DNAI7: variants seen among roughly 807,000 people sequenced by gnomAD.
DNAI7 encodes the protein dynein axonemal intermediate chain 7, also known as cancer susceptibility 1.
Under a neutral mutation model 86.6 loss-of-function variants are expected in DNAI7, and 78 were observed. That is an observed-to-expected ratio of 0.90 (90% CI 0.75 to 1.09). The LOEUF (loss-of-function observed/expected upper bound fraction) is 1.09. DNAI7 is among the 50% of genes least tolerant of loss of function. The probability of loss-of-function intolerance (pLI) is 0.00; values close to 1 mark genes in which losing one functional copy is unlikely to be tolerated. For synonymous variants in DNAI7, 274 were observed against 273.0 expected, an observed-to-expected ratio of 1.00 and a Z score of -0.04; for missense variants, 753 against 810.2, an observed-to-expected ratio of 0.93 and a Z score of 0.86.
At chr12:25,130,580 A>C (rs1291939841) in intron 9 of DNAI7, among the ~76,000 whole-genome samples, 3 of 138,984 alleles carry the variant, frequency 2.2e-5, no homozygotes, top group Non-Finnish European at 1.6e-5. Flanking sequence ...ATAAAATAAA[A>C]TAAAATAAAA....
intron 6 of DNAI7, among the ~76,000 whole-genome samples, chr12:25,153,681 A>C (rs1945826023): frequency 6.6e-6 from 1 of 152,208 alleles, no homozygotes; most frequent in Admixed American, 6.5e-5. Flanking sequence ...TAGCTAAGCC[A>C]CTAACTAGTT....
chr12:25,177,369 A>G (rs1949072837), intron 2 of DNAI7, among the ~76,000 whole-genome samples: 2 of 152,062 alleles, frequency 1.3e-5, no homozygotes, highest in Non-Finnish European at 2.9e-5. Context: ...TCACCATTCT[A>G]CTTTGTCTAT....
intron 4 of DNAI7, among the ~76,000 whole-genome samples, chr12:25,157,205 G>A (rs890224760): frequency 6.6e-6 from 1 of 151,466 alleles, no homozygotes; most frequent in African/African-American, 2.4e-5. Flanking sequence ...GTGAACCCGG[G>A]AGGCGGAGCT....
At chr12:25,108,179 T>A, downstream of DNAI7, 1 of 1,119,706 alleles carries the variant, frequency 8.9e-7, no homozygotes, top group Non-Finnish European at 1.3e-6. Context: ...AGAATGACTG[T>A]AAGATAGCTT....
At chr12:25,122,034 T>C (rs1941381719) in intron 10 of DNAI7, 121 bp from the exon 11 acceptor site, 1 of 665,750 alleles carries the variant, frequency 1.5e-6, no homozygotes, top group Admixed American at 3.4e-5. Flanking sequence ...ACTAAAACTT[T>C]TCAAAAAGCA....
downstream of DNAI7, chr12:25,107,721 A>G: frequency 8.2e-7 from 1 of 1,222,906 alleles, no homozygotes; most frequent in Non-Finnish European, 1.2e-6. Context: ...TTTTGGGGGT[A>G]TGAAGGGCAG....
At chr12:25,147,953 T>A (rs575198431) in intron 7 of DNAI7, among the ~76,000 whole-genome samples, 4 of 152,326 alleles carry the variant, frequency 2.6e-5, no homozygotes, top group Non-Finnish European at 5.9e-5. Context: ...TTAAGAATTT[T>A]AAAATAAAAA....
intron 2 of DNAI7, chr12:25,185,856 TC>T: frequency 2.3e-6 from 1 of 426,450 alleles, no homozygotes; most frequent in Non-Finnish European, 3.1e-6. Context: ...TTCATTACAG[TC>T]CCATTCCTGG....
At chr12:25,124,485 T>G (rs781105760) in intron 9 of DNAI7, among the ~76,000 whole-genome samples, 8 of 151,892 alleles carry the variant, frequency 5.3e-5, no homozygotes, top group Non-Finnish European at 7.4e-5. Flanking sequence ...GGGTATATTT[T>G]TGTAAGTGTT....
chr12:25,187,960 A>G (rs74073329), intron 2 of DNAI7, among the ~76,000 whole-genome samples: 6,157 of 152,260 alleles, frequency 0.04, 417 homozygotes, highest in African/African-American at 0.13. Context: ...GAAGAAAAAA[A>G]ATTCCTGAGA....
At chr12:25,125,734 A>G (rs2883030) in intron 9 of DNAI7, among the ~76,000 whole-genome samples, 25,997 of 152,006 alleles carry the variant, frequency 0.17, 2,336 homozygotes, top group Middle Eastern at 0.23. Flanking sequence ...GGGTTTTTAT[A>G]ATTTTGGGTT....
At chr12:25,159,407 G>A (rs1946584053) in intron 3 of DNAI7, among the ~76,000 whole-genome samples, 1 of 139,878 alleles carries the variant, frequency 7.1e-6, no homozygotes. Context: ...TAAAGGTTGA[G>A]ACAAATTCCC....
At chr12:25,121,605 A>C (rs1592237700) in intron 11 of DNAI7, 148 bp downstream of exon 11, 1 of 575,372 alleles carries the variant, frequency 1.7e-6, no homozygotes, top group Non-Finnish European at 2.9e-6. Flanking sequence ...CAAATTTTCA[A>C]TACCAATACA....
intron 1 of DNAI7, among the ~76,000 whole-genome samples, chr12:25,191,584 G>C (rs1238598515): frequency 2.0e-5 from 3 of 152,052 alleles, no homozygotes; most frequent in Non-Finnish European, 2.9e-5. Context: ...TGTGTCTGTA[G>C]TCCCAGCTAC....
At chr12:25,121,980 T>A in intron 10 of DNAI7, 67 bp from the exon 11 acceptor site, 2 of 1,132,558 alleles carry the variant, frequency 1.8e-6, no homozygotes, top group South Asian at 1.7e-5. Flanking sequence ...GAAAGAAATT[T>A]AAAAATTCTC....
At position 25,154,444 on chromosome 12, in the gene DNAI7, T is replaced by G. The variant is rs910595061; in HGVS notation, c.313A>C (p.Ile105Leu). 11 of 1,608,912 alleles carry G rather than the reference T, an allele frequency of 6.8e-6. No individual in the cohort carries two copies. Among genetic ancestry groups the G allele is most frequent in the Non-Finnish European group, 9.3e-6 (11 of 1,178,974 alleles). The change falls in exon 6 of 16, where the codon ATT becomes CTT. Residue 105 changes from isoleucine to leucine, a missense_variant. Transcript: ENST00000395987. ...GGATCAGGACTCCCATCACATTGAA[T>G]GTAGTGCTTCCACTGTGGAATAAAA... is the stretch of plus-strand genomic sequence containing the variant. ...TKLLSQWKHY[I>L]QCDGSPDPSV...
chr12:25,155,802 C>A (rs1367703370), intron 4 of DNAI7, among the ~76,000 whole-genome samples: 1 of 152,190 alleles, frequency 6.6e-6, no homozygotes, highest in Non-Finnish European at 1.5e-5. Context: ...AGGGAAGGAG[C>A]CAGCTTCACA....
At chr12:25,177,465 G>A (rs1949083114) in intron 2 of DNAI7, among the ~76,000 whole-genome samples, 1 of 152,018 alleles carries the variant, frequency 6.6e-6, no homozygotes, top group South Asian at 2.1e-4. Context: ...ATACATTATG[G>A]TTTGCAAAAT....
chr12:25,112,689 A>T (rs993642046), intron 13 of DNAI7, among the ~76,000 whole-genome samples: 6 of 151,152 alleles, frequency 4.0e-5, no homozygotes, highest in African/African-American at 1.5e-4. Context: ...TACAGGCGTG[A>T]GCCACCACAC....
Sources: gnomAD v4.1 joint callset for allele counts (sites outside exome capture counted in the v4.1 genomes callset) on GRCh38, gnomAD v4.1.1 for gene constraint, MANE v1.5 for transcripts, NCBI Gene and HGNC (gene_info 2026-07-23, HGNC 2026-07-21) for gene names.